The following TOGARAM2 variants were observed in gnomAD, a reference collection of about 807,000 sequenced individuals.
TOGARAM2 encodes the protein TOG array regulator of axonemal microtubules protein 2.
In TOGARAM2, 85 loss-of-function variants were observed where a neutral mutation model predicts 93.3. That is an observed-to-expected ratio of 0.91 (90% CI 0.76 to 1.09). The LOEUF is 1.09. Among genes scored for constraint, TOGARAM2 ranks in the 50% least tolerant of loss-of-function variants. The probability of loss-of-function intolerance (pLI) is 0.00; values close to 1 mark genes in which losing one functional copy is unlikely to be tolerated. For synonymous variants in TOGARAM2, 593 were observed against 552.8 expected (o/e 1.07, Z -1.02); for missense variants, 1,277 against 1,334.5 (o/e 0.96, Z 0.67).
intron 5 of TOGARAM2, 93 bp downstream of exon 5, chr2:29,002,840 C>T (rs1274120033): frequency 8.2e-7 from 1 of 1,223,090 alleles, no homozygotes; most frequent in Admixed American, 2.1e-5. Flanking sequence ...CCCCTGACTC[C>T]ATGCCCTGAG....
chr2:29,038,657 C>T (rs1572776303), intron 18 of TOGARAM2, among the ~76,000 whole-genome samples: 2 of 151,978 alleles, frequency 1.3e-5, no homozygotes, highest in African/African-American at 2.4e-5. Context: ...GTTGGCCAGG[C>T]TGGTCTTGAA....
chr2:28,995,750 G>T (rs1672958983), intron 2 of TOGARAM2, among the ~76,000 whole-genome samples: 1 of 152,216 alleles, frequency 6.6e-6, no homozygotes, highest in South Asian at 2.1e-4. Context: ...TTTCCTCAAG[G>T]TCACACAGGT....
At chr2:29,032,337 G>A (rs1282986224) in intron 14 of TOGARAM2, among the ~76,000 whole-genome samples, 8 of 152,098 alleles carry the variant, frequency 5.3e-5, no homozygotes, top group Admixed American at 4.6e-4. Context: ...TTCCTCCGAC[G>A]TATCCCAAAT....
chr2:29,044,854 C>T (rs180858840), intron 18 of TOGARAM2, among the ~76,000 whole-genome samples: 1 of 152,116 alleles, frequency 6.6e-6, no homozygotes, highest in Admixed American at 6.5e-5. Flanking sequence ...CTTCACTGAC[C>T]TTTGTGTAAT....
intron 11 of TOGARAM2, among the ~76,000 whole-genome samples, chr2:29,022,679 A>G (rs1423224079): frequency 6.6e-6 from 1 of 152,112 alleles, no homozygotes; most frequent in Non-Finnish European, 1.5e-5. Flanking sequence ...CGCTCCTCCC[A>G]CTGTGGGGAT....
rs373300546 is a variant in TOGARAM2 at position 29,024,365 on chromosome 2, C to A, written c.1844C>A (p.Ala615Glu). 1 of 1,568,032 alleles carries A rather than the reference C, an allele frequency of 6.4e-7. No homozygotes were observed. Among genetic ancestry groups the A allele is most frequent in the Non-Finnish European group, 8.7e-7 (1 of 1,152,200 alleles). Residue 615 changes from alanine to glutamate, a missense_variant, in exon 13 of 20, where the codon GCG becomes GAG. Coordinates refer to ENST00000379558, the MANE Select transcript of TOGARAM2 (RefSeq NM_199280.4). The stretch of plus-strand genomic sequence containing the variant: ...CGCTCCCTGGTGGTCCTCACCTCGG[C>A]GGGTGTCTAGTATGTGGCTGCCTGT... ...LARSLVVLTS[A>E]GVYHRNPLIR...
intron 18 of TOGARAM2, among the ~76,000 whole-genome samples, chr2:29,042,124 C>T (rs953619458): frequency 1.2e-4 from 19 of 152,360 alleles, no homozygotes; most frequent in South Asian, 6.2e-4. Flanking sequence ...AGAGCTCTTA[C>T]AACTGCTATG....
chr2:29,032,472 C>T (rs144667744), intron 14 of TOGARAM2, among the ~76,000 whole-genome samples: 1 of 152,340 alleles, frequency 6.6e-6, no homozygotes, highest in African/African-American at 2.4e-5. Context: ...ACTACACCCT[C>T]CTATATTGTC....
At chr2:28,975,689 G>C (rs1355090279) in intron 1 of TOGARAM2, among the ~76,000 whole-genome samples, 1 of 152,028 alleles carries the variant, frequency 6.6e-6, no homozygotes, top group African/African-American at 2.4e-5. Flanking sequence ...GTTTTCAGTT[G>C]TCTCCTAGAC....
At chr2:29,036,906 C>T in intron 18 of TOGARAM2, 149 bp downstream of exon 18, 1 of 756,556 alleles carries the variant, frequency 1.3e-6, no homozygotes, top group East Asian at 2.7e-5. Context: ...CCAGGGCCTC[C>T]AAGGCTCTTG....
chr2:29,018,581 G>A (rs181789007), intron 10 of TOGARAM2: 1 of 152,218 alleles, frequency 6.6e-6, no homozygotes, highest in Non-Finnish European at 1.5e-5. Flanking sequence ...GTTTCTGTAA[G>A]TGTGGGATGT....
rs1553333698 is a variant in TOGARAM2, at chr2:28,974,143, T to TTC, written c.-147+17446_-147+17447insTC. ...TAATATATCCTTTTTTTTTTTTTTT[T>TTC]CTGAGGCGAAGTCTCTCTCTGTCAC... On this transcript the variant is annotated intron_variant, in intron 1 of 6. Coordinates refer to the TOGARAM2 transcript ENST00000401723. Among the ~76,000 whole-genome samples, 34 of 151,092 alleles carry TTC rather than the reference T, an allele frequency of 2.3e-4. 1 individual carries two copies. Among genetic ancestry groups the TTC allele is most frequent in the South Asian group, 2.1e-4 (1 of 4,760 alleles).
At chr2:29,038,926 T>C (rs1296441042) in intron 18 of TOGARAM2, among the ~76,000 whole-genome samples, 1 of 151,724 alleles carries the variant, frequency 6.6e-6, no homozygotes, top group African/African-American at 2.4e-5. Flanking sequence ...CTGGAGGGAG[T>C]AGGTTACCAA....
chr2:28,957,103 TCAAAAAA>T (rs1463380647), intron 1 of TOGARAM2, among the ~76,000 whole-genome samples: 43 of 152,124 alleles, frequency 2.8e-4, no homozygotes, highest in East Asian at 7.7e-4. Flanking sequence ...AGACTTTGTC[TCAAAAAA>T]CAAAAAACAA....
At chr2:28,998,069 GGT>G (rs1023031186) in intron 2 of TOGARAM2, 72 bp from the exon 3 acceptor site, 27 of 1,041,324 alleles carry the variant, frequency 2.6e-5, no homozygotes, top group Non-Finnish European at 3.6e-5. Context: ...GTTACGGCCG[GGT>G]GTTCTTGGTT....
chr2:29,043,208 G>A (rs1325965463), intron 18 of TOGARAM2, among the ~76,000 whole-genome samples: 1 of 152,126 alleles, frequency 6.6e-6, no homozygotes, highest in Non-Finnish European at 1.5e-5. Context: ...TATTCTAGAA[G>A]CTGGCATCTC....
At chr2:29,043,451 A>G (rs919310468) in intron 18 of TOGARAM2, among the ~76,000 whole-genome samples, 8 of 152,206 alleles carry the variant, frequency 5.3e-5, no homozygotes, top group Non-Finnish European at 8.8e-5. Context: ...GAACTTGGAA[A>G]AAGTGAGACT....
intron 6 of TOGARAM2, among the ~76,000 whole-genome samples, chr2:29,004,569 AGAGT>A (rs1415303036): frequency 7.2e-5 from 11 of 152,330 alleles, no homozygotes; most frequent in Admixed American, 5.2e-4. Context: ...CGTGTGTGTG[AGAGT>A]GAGTGTGTCT....
At chr2:29,001,868 T>A (rs1673320603) in intron 4 of TOGARAM2, among the ~76,000 whole-genome samples, 1 of 152,164 alleles carries the variant, frequency 6.6e-6, no homozygotes, top group Admixed American at 6.5e-5. Context: ...TTTTTTTTTT[T>A]TTATTCCTCA....
Sources: gnomAD v4.1 joint callset for allele counts (sites outside exome capture counted in the v4.1 genomes callset) on GRCh38, gnomAD v4.1.1 for gene constraint, MANE v1.5 for transcripts, NCBI Gene and HGNC (gene_info 2026-07-23, HGNC 2026-07-21) for gene names.